The following PTPRS variants were observed in gnomAD, a reference collection of about 807,000 sequenced individuals.
PTPRS encodes protein tyrosine phosphatase receptor type S, also known as receptor-type tyrosine-protein phosphatase S.
In PTPRS, 63 loss-of-function variants were observed where a neutral mutation model predicts 215.3. That is an observed-to-expected ratio of 0.29 (90% CI 0.24 to 0.36). PTPRS has a LOEUF of 0.36. Ranked by LOEUF, PTPRS falls within the 10% of genes least tolerant of loss-of-function variation. The pLI is 1.00. For synonymous variants in PTPRS, 1,404 were observed against 1,191.4 expected (o/e 1.18, Z -3.68); for missense variants, 2,258 against 2,825.8 (o/e 0.80, Z 4.56).
At chr19:5,303,583 G>C (rs1252655522) in intron 1 of PTPRS, among the ~76,000 whole-genome samples, 1 of 152,114 alleles carries the variant, frequency 6.6e-6, no homozygotes, top group African/African-American at 2.4e-5. Flanking sequence ...TGGAAAAAGA[G>C]AGGGGGACTG....
At chr19:5,301,047 T>C (rs978684593) in intron 1 of PTPRS, among the ~76,000 whole-genome samples, 3 of 152,192 alleles carry the variant, frequency 2.0e-5, no homozygotes, top group Non-Finnish European at 4.4e-5. Flanking sequence ...AAAAGCCACA[T>C]TGCTGGGCTT....
At chr19:5,322,076 C>A (rs1034475410) in intron 1 of PTPRS, among the ~76,000 whole-genome samples, 2 of 152,232 alleles carry the variant, frequency 1.3e-5, no homozygotes, top group Non-Finnish European at 2.9e-5. Flanking sequence ...AGAGGTCACA[C>A]AGCCGGCAAG....
rs73543247 is a variant in PTPRS at position 5,210,032 on chromosome 19, C to A, written c.5487+437G>T. ...ACCTGGCCTTTCTCCCTCCACCTGA[C>A]ACTGCAGTCCTTCATTGAGCCAACA... On this transcript the variant is annotated intron_variant, in intron 35 of 37. Transcript: ENST00000262963. This position sits in a 1 kb window ranked among gnomAD's most constrained non-coding sequence, Gnocchi z 4.5. 0.088 allele frequency among the ~76,000 whole-genome samples: 13,358 copies of A among 152,222 alleles called. 686 individuals carry two copies. The highest frequency in any genetic ancestry group is 0.14 in the African/African-American group (5,929 of 41,500).
At chr19:5,310,928 A>G (rs547670098) in intron 1 of PTPRS, among the ~76,000 whole-genome samples, 1 of 152,140 alleles carries the variant, frequency 6.6e-6, no homozygotes, top group South Asian at 2.1e-4. Context: ...CTTTGTCTCC[A>G]GACTGGCGTG....
intron 11 of PTPRS, 130 bp downstream of exon 11, chr19:5,243,771 C>T: frequency 1.1e-6 from 1 of 925,002 alleles, no homozygotes; most frequent in Middle Eastern, 3.5e-4. Context: ...CACACCCGGC[C>T]TAAATGCTAG....
intron 1 of PTPRS, among the ~76,000 whole-genome samples, chr19:5,296,700 A>C: frequency 8.5e-6 from 1 of 118,220 alleles, no homozygotes; most frequent in African/African-American, 3.2e-5. Context: ...AGAGTGAGGA[A>C]GGGGAGACAA....
intron 11 of PTPRS, among the ~76,000 whole-genome samples, chr19:5,243,328 G>T (rs1187602272): frequency 6.6e-6 from 1 of 151,260 alleles, no homozygotes; most frequent in Admixed American, 6.6e-5. Context: ...CAGAAATGGG[G>T]TTTCACGGTG....
At chr19:5,299,052 A>G (rs1418344389) in intron 1 of PTPRS, among the ~76,000 whole-genome samples, 1 of 152,042 alleles carries the variant, frequency 6.6e-6, no homozygotes, top group Non-Finnish European at 1.5e-5. Context: ...GGACCAGCAC[A>G]GTCACCTCTG....
rs1330205670 is a variant in PTPRS at position 5,339,425 on chromosome 19, C to T, written c.-95+1239G>A. Among the ~76,000 whole-genome samples the T allele has an allele frequency of 1.4e-5, 2 of 147,242 alleles. No homozygotes were observed. Among genetic ancestry groups the T allele is most frequent in the Non-Finnish European group, 3.0e-5 (2 of 66,588 alleles). On this transcript the variant is annotated intron_variant, in intron 1 of 37. Transcript: ENST00000262963. This position sits in a 1 kb window ranked among gnomAD's most constrained non-coding sequence, Gnocchi z 4.2. ...GAAGAAGGAGGTCCCAGATTTGGGG[C>T]GGGGGGTGTGGCTGAAAAAAAGATT...
chr19:5,291,016 C>A (rs551188354), intron 1 of PTPRS, among the ~76,000 whole-genome samples: 2 of 152,038 alleles, frequency 1.3e-5, no homozygotes, highest in African/African-American at 4.8e-5. Flanking sequence ...CCTCCCAGGG[C>A]GCCATTATCT....
Position 5,239,040 on chromosome 19 carries a change from C to G in PTPRS, c.1728G>C (p.Thr576=), listed in dbSNP as rs367684544. ...GREVGRTFDP[T]TSYVVEDLKP... ...TCAGGTCCTCCACCACGTAGGAAGT[C>G]GTCGGGTCGAAGGTCCTTCCCACCT... Residue 576 remains threonine, a synonymous_variant, in exon 13 of 38, where the codon ACG becomes ACC. Transcript: ENST00000262963. The G allele has an allele frequency of 6.2e-7, 1 of 1,613,080 alleles. No individual in the cohort carries two copies. The highest frequency in any genetic ancestry group is 1.1e-5 in the South Asian group (1 of 90,978).
intron 35 of PTPRS, 97 bp from the exon 36 acceptor site, chr19:5,208,488 T>C (rs2040571457): frequency 4.8e-6 from 6 of 1,261,552 alleles, no homozygotes; most frequent in Non-Finnish European, 5.3e-6. Flanking sequence ...TTTGTTTGTT[T>C]GTTTGTTTTT....
chr19:5,252,574 CAAAAAAAAAA>C (rs56215560), intron 9 of PTPRS, among the ~76,000 whole-genome samples: 1 of 66,800 alleles, frequency 1.5e-5, no homozygotes, highest in East Asian at 5.6e-4. Context: ...GAGATTCTGT[CAAAAAAAAAA>C]AAAAAAAAAA....
At chr19:5,211,019 C>T (rs2040826192) in intron 33 of PTPRS, among the ~76,000 whole-genome samples, 1 of 152,378 alleles carries the variant, frequency 6.6e-6, no homozygotes, top group African/African-American at 2.4e-5. Flanking sequence ...ATTCAAATCC[C>T]TTGACAAAGC....
intron 5 of PTPRS, among the ~76,000 whole-genome samples, chr19:5,264,185 G>A (rs79700338): frequency 2.6e-3 from 119 of 44,972 alleles, no homozygotes; most frequent in African/African-American, 5.5e-3. Context: ...GCTCAGCCTT[G>A]GAGAGACTCT....
At chr19:5,261,063 C>A (rs2045956799) in intron 6 of PTPRS, among the ~76,000 whole-genome samples, 1 of 151,954 alleles carries the variant, frequency 6.6e-6, no homozygotes. Flanking sequence ...CTGTAGAAGG[C>A]GGGAATCTCT....
chr19:5,286,268 T>C (rs971091464), intron 1 of PTPRS, 34 bp from the exon 2 acceptor site: 2 of 1,048,208 alleles, frequency 1.9e-6, no homozygotes, highest in South Asian at 1.4e-5. Flanking sequence ...GAGAGGCGAG[T>C]GGGGAAATCC....
In PTPRS at chr19:5,231,347, G is replaced by C. The variant is rs150068823; in HGVS notation, c.2118C>G (p.Pro706=). 9 of 1,611,886 alleles carry C rather than the reference G, an allele frequency of 5.6e-6. No homozygotes were observed. In the East Asian group the frequency reaches 2.0e-4, roughly 36 times the overall value. The change falls in exon 14 of 38, where the codon CCC becomes CCG. Residue 706 remains proline (P), a synonymous_variant. Coordinates refer to ENST00000262963, the MANE Select transcript of PTPRS (RefSeq NM_002850.4). ...TGCGGACGACCACGGGCGAGCTCTC[G>C]GGCCCTGGTCCCACCTCTGTGTGAG... The part of the protein sequence containing the change: ...TVAHTEVGPG[P]ESSPVVVRTD...
intron 17 of PTPRS, among the ~76,000 whole-genome samples, chr19:5,225,021 A>C (rs928018846): frequency 6.6e-6 from 1 of 151,570 alleles, no homozygotes; most frequent in Non-Finnish European, 1.5e-5. Flanking sequence ...CCACCCCCCA[A>C]GTCTTTTTCT....
Sources: gnomAD v4.1 joint callset for allele counts (sites outside exome capture counted in the v4.1 genomes callset) on GRCh38, gnomAD v4.1.1 for gene constraint, Gnocchi (gnomAD v3.1) non-coding constraint, MANE v1.5 for transcripts, NCBI Gene and HGNC (gene_info 2026-07-23, HGNC 2026-07-21) for gene names.